KLF12: variants seen among roughly 807,000 people sequenced by gnomAD.
The protein encoded by KLF12 is Krueppel-like factor 12.
In KLF12, 9 loss-of-function variants were observed where a neutral mutation model predicts 37.8. The ratio of observed to expected loss-of-function variants is 0.24; its 90% CI spans 0.14 to 0.42. The LOEUF (loss-of-function observed/expected upper bound fraction) is 0.42. Among genes scored for constraint, KLF12 ranks in the 10% least tolerant of loss-of-function variants. The probability of loss-of-function intolerance (pLI) is 1.00; values close to 1 mark genes in which losing one functional copy is unlikely to be tolerated. For missense variants in KLF12, 411 were observed against 516.0 expected (o/e 0.80, Z 1.97); for synonymous variants, 208 against 202.1 (o/e 1.03, Z -0.25).
intron 1 of KLF12, among the ~76,000 whole-genome samples, chr13:74,045,901 CTGAG>C (rs1893531209): frequency 6.6e-6 from 1 of 152,228 alleles, no homozygotes; most frequent in South Asian, 2.1e-4. Flanking sequence ...ACTGGAATAA[CTGAG>C]TAATTATCTT....
the KLF12 span, among the ~76,000 whole-genome samples, chr13:74,275,869 TC>T: frequency 1.8e-5 from 1 of 56,104 alleles, no homozygotes; most frequent in African/African-American, 6.4e-5. Flanking sequence ...TTTCTTTCTA[TC>T]TTTCTTTCTT....
intron 1 of KLF12, among the ~76,000 whole-genome samples, chr13:74,041,042 C>G (rs1479300792): frequency 6.6e-6 from 1 of 152,190 alleles, no homozygotes; most frequent in African/African-American, 2.4e-5. Flanking sequence ...ACCCACAATA[C>G]AACCCCAAAT....
At chr13:74,005,808 T>G (rs1892396485) in intron 1 of KLF12, among the ~76,000 whole-genome samples, 1 of 152,204 alleles carries the variant, frequency 6.6e-6, no homozygotes, top group Non-Finnish European at 1.5e-5. Flanking sequence ...CACGGACGGT[T>G]GCTGGTTGCT....
At chr13:73,728,379 T>C (rs1876821024) in intron 6 of KLF12, among the ~76,000 whole-genome samples, 1 of 152,222 alleles carries the variant, frequency 6.6e-6, no homozygotes, top group African/African-American at 2.4e-5. Context: ...AGATTTCCTA[T>C]ATACAAGATC....
the KLF12 span, among the ~76,000 whole-genome samples, chr13:74,274,070 A>C: frequency 2.0e-4 from 30 of 152,246 alleles, no homozygotes; most frequent in Middle Eastern, 3.4e-3. Context: ...ATTTGATAAA[A>C]ATCTATTCTG....
the KLF12 span, among the ~76,000 whole-genome samples, chr13:74,215,162 C>T: frequency 2.6e-5 from 4 of 151,904 alleles, no homozygotes; most frequent in Admixed American, 1.3e-4. Context: ...TTGGATTTGC[C>T]GCATATTTTA....
At position 73,994,289 on chromosome 13, in the gene KLF12, G is replaced by A. The variant is rs1238239715; in HGVS notation, c.33+701C>T. On this transcript the variant is annotated intron_variant, in intron 2 of 7. Transcript: ENST00000377669. The stretch of plus-strand genomic sequence containing the variant: ...GAGGAATTATGAGGCACATGCTTCT[G>A]TATGAGACCTGTTCAGTGTAAAACC... Among the ~76,000 whole-genome samples, 3 of 152,176 alleles carry A rather than the reference G, an allele frequency of 2.0e-5. No individual in the cohort carries two copies. In the East Asian group the frequency reaches 5.8e-4, roughly 29 times the overall value.
chr13:74,157,744 A>T, the KLF12 span, among the ~76,000 whole-genome samples: 1 of 152,144 alleles, frequency 6.6e-6, no homozygotes, highest in South Asian at 2.1e-4. Flanking sequence ...AGATTGGCCA[A>T]TTTTTTGGGT....
intron 2 of KLF12, among the ~76,000 whole-genome samples, chr13:73,987,641 G>GA (rs1275987740): frequency 9.6e-5 from 14 of 146,566 alleles, no homozygotes; most frequent in African/African-American, 3.5e-4. Context: ...CAGAGAGAAA[G>GA]TGGGGGGAGA....
At chr13:74,185,436 A>G in the KLF12 span, among the ~76,000 whole-genome samples, 1 of 151,820 alleles carries the variant, frequency 6.6e-6, no homozygotes, top group African/African-American at 2.4e-5. Flanking sequence ...TTTTTTTCCA[A>G]CTCCATCAAT....
intron 2 of KLF12, among the ~76,000 whole-genome samples, chr13:73,985,177 T>G (rs903537994): frequency 2.0e-5 from 3 of 152,168 alleles, no homozygotes; most frequent in Admixed American, 6.5e-5. Flanking sequence ...CATCCGCCTT[T>G]GAACCTCAGC....
chr13:74,261,049 T>C, the KLF12 span, among the ~76,000 whole-genome samples: 1 of 152,288 alleles, frequency 6.6e-6, no homozygotes, highest in East Asian at 1.9e-4. Context: ...GCTCAGGTGA[T>C]GGGTGCACCA....
chr13:74,224,288 C>G, the KLF12 span, among the ~76,000 whole-genome samples: 1 of 152,084 alleles, frequency 6.6e-6, no homozygotes, highest in Non-Finnish European at 1.5e-5. Flanking sequence ...GACTGCAGGC[C>G]CTGGGCTACC....
intron 1 of KLF12, among the ~76,000 whole-genome samples, chr13:74,027,448 T>A (rs892866249): frequency 6.6e-6 from 1 of 152,102 alleles, no homozygotes; most frequent in African/African-American, 2.4e-5. Flanking sequence ...GAGTGGCATA[T>A]ATAATTGTTT....
At chr13:74,075,783 C>A (rs1218996032) in intron 1 of KLF12, among the ~76,000 whole-genome samples, 2 of 152,066 alleles carry the variant, frequency 1.3e-5, no homozygotes, top group Non-Finnish European at 2.9e-5. Context: ...GATATAACAA[C>A]AACAAAAAGC....
At chr13:74,162,718 C>T in the KLF12 span, among the ~76,000 whole-genome samples, 1 of 152,142 alleles carries the variant, frequency 6.6e-6, no homozygotes, top group Non-Finnish European at 1.5e-5. Context: ...TGTGGGTCAA[C>T]TGTGAAATGC....
At chr13:73,826,758 A>G (rs1264666440) in intron 4 of KLF12, among the ~76,000 whole-genome samples, 3 of 145,362 alleles carry the variant, frequency 2.1e-5, no homozygotes, top group Admixed American at 1.4e-4. Context: ...TAACAATATC[A>G]TATCTACACA....
chr13:73,748,723 A>G (rs763212204), intron 6 of KLF12, among the ~76,000 whole-genome samples: 2 of 152,116 alleles, frequency 1.3e-5, no homozygotes, highest in African/African-American at 2.4e-5. Context: ...TTAAATTTTA[A>G]TATGTGGAGC....
chr13:73,899,066 T>C (rs1161866115), intron 3 of KLF12, among the ~76,000 whole-genome samples: 1 of 152,220 alleles, frequency 6.6e-6, no homozygotes, highest in Non-Finnish European at 1.5e-5. Flanking sequence ...CATCACCAGA[T>C]GTCTGACATC....
Sources: allele counts gnomAD v4.1 joint callset (sites outside exome capture counted in the v4.1 genomes callset), GRCh38; gene constraint gnomAD v4.1.1; transcripts MANE v1.5; gene names NCBI Gene and HGNC (gene_info 2026-07-23, HGNC 2026-07-21).